Variants in LIN7A observed in about 807,000 individuals in gnomAD.
LIN7A encodes protein lin-7 homolog A.
A neutral mutation model predicts 29.8 loss-of-function variants in LIN7A; 25 were observed. The ratio of observed to expected loss-of-function variants is 0.84; its 90% confidence interval spans 0.61 to 1.17. The LOEUF is 1.17. Ranked by LOEUF, LIN7A falls within the 50% of genes most tolerant of loss-of-function variation. The pLI is 0.00. For synonymous variants in LIN7A, 118 were observed against 107.5 expected (o/e 1.10, Z -0.60); for missense variants, 239 against 287.0 (o/e 0.83, Z 1.21).
At chr12:80,807,725 A>G (rs531939805) in intron 5 of LIN7A, among the ~76,000 whole-genome samples, 4 of 152,192 alleles carry the variant, frequency 2.6e-5, no homozygotes, top group Non-Finnish European at 5.9e-5. Context: ...ACAAATGTAA[A>G]GTGGCTTTAC....
intron 1 of LIN7A, among the ~76,000 whole-genome samples, chr12:80,895,991 A>AAGCT (rs1229230202): frequency 6.6e-6 from 1 of 152,184 alleles, no homozygotes; most frequent in African/African-American, 2.4e-5. Flanking sequence ...AACCAAATAC[A>AAGCT]AGCTAGCTGC....
Position 80,828,524 on chromosome 12 carries a change from T to TAGC in LIN7A, c.484-16844_484-16842dup, listed in dbSNP as rs1180156633. On this transcript the variant is annotated intron_variant, in intron 4 of 5. Coordinates refer to ENST00000552864, the MANE Select transcript of LIN7A (RefSeq NM_004664.4). ...AAATTACATATAATAATAATAATAG[T>TAGC]AGCTTATATTCATTGAGTATTTACT... Among the ~76,000 whole-genome samples the TAGC allele has an allele frequency of 2.0e-5, 3 of 152,132 alleles. No homozygotes were observed. The East Asian group carries it at 5.8e-4, about 29-fold the overall frequency.
chr12:80,848,194 C>T (rs748003827), intron 3 of LIN7A, 57 bp downstream of exon 3: 68 of 1,270,336 alleles, frequency 5.4e-5, no homozygotes, highest in Non-Finnish European at 7.4e-5. Context: ...CACACGCGCA[C>T]AATCAATTAC....
At chr12:80,933,448 G>A (rs529577161) in intron 1 of LIN7A, among the ~76,000 whole-genome samples, 21 of 152,190 alleles carry the variant, frequency 1.4e-4, no homozygotes, top group Admixed American at 1.0e-3. Flanking sequence ...ACACCAAAAC[G>A]TAGTTTAAAT....
chr12:80,890,850 T>C (rs1280130155), intron 1 of LIN7A, among the ~76,000 whole-genome samples: 1 of 152,102 alleles, frequency 6.6e-6, no homozygotes, highest in Non-Finnish European at 1.5e-5. Flanking sequence ...TAAGCCATGA[T>C]TGCACTACTG....
At chr12:80,891,844 T>A (rs1875643419) in intron 1 of LIN7A, among the ~76,000 whole-genome samples, 1 of 152,130 alleles carries the variant, frequency 6.6e-6, no homozygotes, top group South Asian at 2.1e-4. Context: ...ATCAAAGGCT[T>A]GTTAAGAGAG....
At position 80,872,910 on chromosome 12, in the gene LIN7A, A is replaced by G. The variant is rs139632139; in HGVS notation, c.201+16341T>C. Among the ~76,000 whole-genome samples, 1,125 of 152,338 alleles carry G rather than the reference A, an allele frequency of 7.4e-3. 15 individuals are homozygous for G. Among genetic ancestry groups the G allele is most frequent in the African/African-American group, 0.025 (1,053 of 41,572 alleles). ...AGCTAAGCAGGTGGTCACAGAGGAA[A>G]ATTAACAGAATATCGTTTTGATCAG... On this transcript the variant is annotated intron_variant, in intron 2 of 5. Transcript: ENST00000552864.
Position 80,792,823 on chromosome 12 carries a change from A to T in LIN7A, c.*4904T>A, listed in dbSNP as rs573897689. On this transcript the variant is annotated 3_prime_UTR_variant, in exon 6 of 6. Transcript: ENST00000552864. ...AAGAAATAAATCTGAAAAGTCACTG[A>T]AATATTTATCACATGTCAGAAATTT... The T allele has an allele frequency of 6.6e-6, 1 of 152,294 alleles. No individual in the cohort carries two copies. Among genetic ancestry groups the T allele is most frequent in the Admixed American group, 6.5e-5 (1 of 15,294 alleles). The allele number at this position is 152,294 out of a possible 1,614,324, so 9.4% of individuals were successfully genotyped here.
At chr12:80,840,492 A>G (rs978985240) in intron 4 of LIN7A, among the ~76,000 whole-genome samples, 1 of 152,168 alleles carries the variant, frequency 6.6e-6, no homozygotes, top group Non-Finnish European at 1.5e-5. Context: ...GGACAGAGAG[A>G]GAGAGGGAGG....
intron 4 of LIN7A, among the ~76,000 whole-genome samples, chr12:80,812,387 C>T (rs1269230343): frequency 2.7e-5 from 4 of 149,364 alleles, no homozygotes; most frequent in African/African-American, 4.9e-5. Flanking sequence ...ATTTAAAATG[C>T]CACAGGAAAA....
At chr12:80,825,922 AG>A (rs1047726440) in intron 4 of LIN7A, among the ~76,000 whole-genome samples, 2 of 152,212 alleles carry the variant, frequency 1.3e-5, no homozygotes, top group African/African-American at 4.8e-5. Flanking sequence ...ATAAAACATC[AG>A]GGGGAAATAC....
chr12:80,912,014 A>T (rs1876773475), intron 1 of LIN7A, among the ~76,000 whole-genome samples: 1 of 151,802 alleles, frequency 6.6e-6, no homozygotes, highest in Admixed American at 6.6e-5. Flanking sequence ...TTATTTCTCT[A>T]TTAACAGATA....
intron 5 of LIN7A, among the ~76,000 whole-genome samples, chr12:80,800,772 C>T (rs1012932318): frequency 6.6e-6 from 1 of 151,776 alleles, no homozygotes; most frequent in African/African-American, 2.4e-5. Context: ...TACATTAATA[C>T]CAAAGCCAGA....
Position 80,796,022 on chromosome 12 carries a change from G to A in LIN7A, c.*1705C>T, listed in dbSNP as rs1479477121. On this transcript the variant is annotated 3_prime_UTR_variant, in exon 6 of 6. Coordinates refer to ENST00000552864, the MANE Select transcript of LIN7A (RefSeq NM_004664.4). ...TTTCTTGCTGTTTTTCCTCTGGTGA[G>A]GGATGCATTGTGAAGAGCAGGGAAA... 6.6e-6 allele frequency: 1 copy of A among 152,148 alleles called. No homozygotes were observed. Among genetic ancestry groups the A allele is most frequent in the African/African-American group, 2.4e-5 (1 of 41,432 alleles). The allele number at this position is 152,148 out of a possible 1,614,324, so 9.4% of individuals were successfully genotyped here. A position where few individuals can be genotyped will look rare whatever the true frequency, so the allele number is the denominator to read the frequency against.
chr12:80,933,193 G>A (rs1878009645), intron 1 of LIN7A, among the ~76,000 whole-genome samples: 1 of 152,110 alleles, frequency 6.6e-6, no homozygotes, highest in Non-Finnish European at 1.5e-5. Flanking sequence ...AATATATGAT[G>A]TTTTAGCCTT....
Position 80,803,076 on chromosome 12 carries a change from A to T in LIN7A, c.*1-5350T>A, listed in dbSNP as rs537966671. Among the ~76,000 whole-genome samples the T allele has an allele frequency of 3.9e-5, 6 of 152,224 alleles. No homozygotes were observed. The East Asian group carries it at 1.2e-3, about 29-fold the overall frequency. On this transcript the variant is annotated intron_variant, in intron 5 of 5. Coordinates refer to ENST00000552864, the MANE Select transcript of LIN7A (RefSeq NM_004664.4). ...TATGGTTTGCAAATATTTTCTTCTA[A>T]TCCATGGGTTATTTCTTCAATCTGT...
intron 2 of LIN7A, among the ~76,000 whole-genome samples, chr12:80,885,353 C>T (rs181515966): frequency 4.6e-5 from 7 of 152,218 alleles, no homozygotes; most frequent in African/African-American, 9.6e-5. Flanking sequence ...AATATCGGTA[C>T]CATAAAATAT....
intron 1 of LIN7A, among the ~76,000 whole-genome samples, chr12:80,924,392 A>G (rs1012300889): frequency 6.6e-6 from 1 of 152,164 alleles, no homozygotes; most frequent in Non-Finnish European, 1.5e-5. Context: ...GGGAAAATGC[A>G]CCCCTGGGGA....
At chr12:80,896,322 C>T (rs1163664) in intron 1 of LIN7A, among the ~76,000 whole-genome samples, 135,837 of 152,210 alleles carry the variant, frequency 0.89, 62,012 homozygotes, top group East Asian at 1. Flanking sequence ...ACAGTGATGT[C>T]CTGGTAAATA....
Sources: allele counts gnomAD v4.1 joint callset (sites outside exome capture counted in the v4.1 genomes callset), GRCh38; gene constraint gnomAD v4.1.1; transcripts MANE v1.5; gene names NCBI Gene and HGNC (gene_info 2026-07-23, HGNC 2026-07-21).